PARM1: variants seen among roughly 807,000 people sequenced by gnomAD.
PARM1 encodes WSC4, cell wall integrity and stress response component 4 homolog.
In PARM1, 14 loss-of-function variants were observed where a neutral mutation model predicts 24.6. The observed-to-expected ratio is 0.57, with a 90% CI of 0.38 to 0.89. PARM1 has a LOEUF of 0.89. Ranked by LOEUF, PARM1 falls within the 40% of genes least tolerant of loss-of-function variation. The pLI is 0.00. For missense variants in PARM1, 362 were observed against 380.4 expected, an observed-to-expected ratio of 0.95 and a Z score of 0.40; for synonymous variants, 179 against 156.6, an observed-to-expected ratio of 1.14 and a Z score of -1.07.
intron 1 of PARM1, chr4:74,993,862 G>A (rs1722523301): frequency 6.6e-6 from 1 of 152,112 alleles, no homozygotes; most frequent in Non-Finnish European, 1.5e-5. Context: ...AGGTACATAT[G>A]TCAAATCTCA....
chr4:74,956,091 C>T (rs537335258), intron 1 of PARM1: 5 of 152,216 alleles, frequency 3.3e-5, no homozygotes, highest in Non-Finnish European at 5.9e-5. Context: ...ACACAATGTG[C>T]TTTCTTTTAC....
intron 1 of PARM1, among the ~76,000 whole-genome samples, chr4:74,949,008 C>T (rs578258538): frequency 3.8e-4 from 58 of 151,642 alleles, no homozygotes; most frequent in African/African-American, 1.4e-3. Flanking sequence ...GGCGACAGAG[C>T]GAGACTCTGT....
At chr4:75,031,632 C>T (rs1328359788) in intron 2 of PARM1, among the ~76,000 whole-genome samples, 2 of 151,978 alleles carry the variant, frequency 1.3e-5, no homozygotes, top group East Asian at 1.9e-4. Context: ...TGGAGGGGAC[C>T]CAACTGCTTA....
chr4:74,996,778 T>A (rs1438074451), intron 1 of PARM1, among the ~76,000 whole-genome samples: 1 of 152,222 alleles, frequency 6.6e-6, no homozygotes, highest in Non-Finnish European at 1.5e-5. Context: ...CTTTCCAGAT[T>A]GTGTGTACAG....
intron 3 of PARM1, among the ~76,000 whole-genome samples, chr4:75,041,160 A>G (rs1389040755): frequency 1.3e-5 from 2 of 152,206 alleles, no homozygotes; most frequent in South Asian, 4.1e-4. Context: ...CAGGTGCTAG[A>G]ATAGGGCCTG....
intron 1 of PARM1, among the ~76,000 whole-genome samples, chr4:74,982,269 G>A (rs2109773132): frequency 6.6e-6 from 1 of 152,210 alleles, no homozygotes; most frequent in African/African-American, 2.4e-5. Flanking sequence ...ACAGGGAGGG[G>A]AACAACACAC....
At chr4:74,989,503 A>G (rs1423799932) in intron 1 of PARM1, among the ~76,000 whole-genome samples, 1 of 152,184 alleles carries the variant, frequency 6.6e-6, no homozygotes, top group African/African-American at 2.4e-5. Context: ...TGGAGTTTCC[A>G]TGCCCTCTCT....
At chr4:74,973,339 A>G (rs1722075998) in intron 1 of PARM1, among the ~76,000 whole-genome samples, 1 of 152,230 alleles carries the variant, frequency 6.6e-6, no homozygotes, top group South Asian at 2.1e-4. Flanking sequence ...AAAATTTCCA[A>G]CAAATATGAA....
intron 1 of PARM1, among the ~76,000 whole-genome samples, chr4:74,977,661 A>G (rs1250690465): frequency 6.6e-6 from 1 of 152,216 alleles, no homozygotes; most frequent in East Asian, 1.9e-4. Flanking sequence ...AAGACACATA[A>G]TCATCAGATT....
chr4:75,026,612 T>C (rs372370685), intron 2 of PARM1, among the ~76,000 whole-genome samples: 2 of 152,196 alleles, frequency 1.3e-5, no homozygotes, highest in East Asian at 3.8e-4. Context: ...CTCCCCAAAC[T>C]ATCAAGCCCA....
In PARM1 at chr4:75,013,137, T is replaced by C. The variant is rs774651187; in HGVS notation, c.756T>C (p.His252=). 5.0e-6 allele frequency: 8 copies of C among 1,612,358 alleles called. No homozygotes were observed. The highest frequency in any genetic ancestry group is 1.3e-5 in the African/African-American group (1 of 74,916). ...GGGTGATCATGCAGGAAGTAGAACA[T>C]GCATTAAGTTCAGGTGAGTCTCTAT... ...FPRVIMQEVE[H]ALSSGSIAAI... Residue 252 remains histidine (H), a synonymous_variant, in exon 2 of 4, where the codon CAT becomes CAC. Coordinates refer to ENST00000307428, the MANE Select transcript of PARM1 (RefSeq NM_015393.4).
chr4:74,955,178 A>G (rs545135226), intron 1 of PARM1, among the ~76,000 whole-genome samples: 7 of 152,270 alleles, frequency 4.6e-5, no homozygotes, highest in Admixed American at 3.9e-4. Context: ...TAATAAACAT[A>G]TTCCAAATAA....
intron 1 of PARM1, among the ~76,000 whole-genome samples, chr4:74,941,884 A>G (rs1721316697): frequency 6.6e-6 from 1 of 152,220 alleles, no homozygotes; most frequent in Non-Finnish European, 1.5e-5. Flanking sequence ...ACTCTCCTTT[A>G]GAGGTTCATA....
At chr4:75,030,124 T>A (rs2109806848) in intron 2 of PARM1, among the ~76,000 whole-genome samples, 1 of 152,156 alleles carries the variant, frequency 6.6e-6, no homozygotes, top group African/African-American at 2.4e-5. Flanking sequence ...ACACTGTAAT[T>A]TTACCCAGGG....
intron 3 of PARM1, among the ~76,000 whole-genome samples, chr4:75,038,642 C>A (rs1052202549): frequency 6.6e-6 from 1 of 152,246 alleles, no homozygotes; most frequent in African/African-American, 2.4e-5. Context: ...GAAGTTGAAT[C>A]CATGTTACAC....
chr4:74,974,169 C>T (rs553852469), intron 1 of PARM1, among the ~76,000 whole-genome samples: 4 of 152,288 alleles, frequency 2.6e-5, no homozygotes, highest in South Asian at 2.1e-4. Flanking sequence ...TGTTCAGGCT[C>T]GCCACGGATT....
chr4:75,042,811 C>T (rs1233031894), intron 3 of PARM1, among the ~76,000 whole-genome samples: 1 of 151,962 alleles, frequency 6.6e-6, no homozygotes, highest in Non-Finnish European at 1.5e-5. Flanking sequence ...CCCAATTTTT[C>T]CTGTTTAAGC....
At position 74,975,345 on chromosome 4, in the gene PARM1, T is replaced by C. The variant is rs536177510; in HGVS notation, c.44-37080T>C. ...GTTAGAGTGCGGTATTATGTTTCTG[T>C]AAAACAAAACAAATAATAGGATGTG... On this transcript the variant is annotated intron_variant, in intron 1 of 3. Coordinates refer to ENST00000307428, the MANE Select transcript of PARM1 (RefSeq NM_015393.4). 8.5e-5 allele frequency among the ~76,000 whole-genome samples: 13 copies of C among 152,340 alleles called. No individual in the cohort carries two copies. In the South Asian group the frequency reaches 2.5e-3, roughly 29 times the overall value.
chr4:74,971,965 A>C (rs754307640), intron 1 of PARM1, among the ~76,000 whole-genome samples: 1 of 152,192 alleles, frequency 6.6e-6, no homozygotes, highest in Non-Finnish European at 1.5e-5. Flanking sequence ...CCACAAGCAT[A>C]ATAATTTTCT....
Sources: allele counts gnomAD v4.1 joint callset (sites outside exome capture counted in the v4.1 genomes callset), GRCh38; gene constraint gnomAD v4.1.1; transcripts MANE v1.5; gene names NCBI Gene and HGNC (gene_info 2026-07-23, HGNC 2026-07-21).